Variants in TULP4 observed in about 807,000 individuals in gnomAD.
TULP4 encodes TUB like protein 4.
A neutral mutation model predicts 129.0 loss-of-function variants in TULP4; 16 were observed. The ratio of observed to expected loss-of-function variants is 0.12; its 90% confidence interval spans 0.08 to 0.19. The LOEUF is 0.19. Ranked by LOEUF, TULP4 falls within the 10% of genes least tolerant of loss-of-function variation. TULP4 has a pLI of 1.00. For synonymous variants in TULP4, 998 were observed against 854.0 expected, an observed-to-expected ratio of 1.17 and a Z score of -2.94; for missense variants, 1,842 against 2,059.1, an observed-to-expected ratio of 0.89 and a Z score of 2.04.
At position 158,429,917 on chromosome 6, in the gene TULP4, G is replaced by A. The variant is rs1424831737; in HGVS notation, c.543+20G>A. ...CAACAGGTAACACTTCTGAAATGTGGTGGGTGTGTGACGTTAAAACCATGA... is the reference window on the plus strand; with the variant it reads ...CAACAGGTAACACTTCTGAAATGTGATGGGTGTGTGACGTTAAAACCATGA... On this transcript the variant is annotated intron_variant, in intron 3 of 13. Coordinates refer to ENST00000367097, the MANE Select transcript of TULP4 (RefSeq NM_020245.5). 1.2e-6 allele frequency: 2 copies of A among 1,611,110 alleles called. No homozygotes were observed. Among genetic ancestry groups the A allele is most frequent in the Admixed American group, 1.7e-5 (1 of 59,698 alleles).
intron 2 of TULP4, among the ~76,000 whole-genome samples, chr6:158,421,181 G>A (rs1024518118): frequency 6.6e-6 from 1 of 152,130 alleles, no homozygotes; most frequent in Non-Finnish European, 1.5e-5. Context: ...CTAACACGGT[G>A]AAACCCTGTG....
At chr6:158,308,455 C>T (rs1446438962), upstream of TULP4, among the ~76,000 whole-genome samples, 2 of 152,122 alleles carry the variant, frequency 1.3e-5, no homozygotes, top group African/African-American at 4.8e-5. Context: ...CCCACCTTTC[C>T]CCCCTTTCTA....
intron 1 of TULP4, among the ~76,000 whole-genome samples, chr6:158,332,291 G>A (rs1779929645): frequency 6.6e-6 from 1 of 150,946 alleles, no homozygotes; most frequent in African/African-American, 2.4e-5. Context: ...AGGGCCGAAG[G>A]AGATGATGCA....
intron 1 of TULP4, among the ~76,000 whole-genome samples, chr6:158,240,256 C>G (rs960604478): frequency 1.3e-5 from 1 of 78,034 alleles, no homozygotes; most frequent in African/African-American, 4.4e-5. Context: ...GGCGGCTGGC[C>G]GGGCAGAGGG....
At chr6:158,442,892 C>A (rs748981578) in intron 3 of TULP4, among the ~76,000 whole-genome samples, 1 of 151,790 alleles carries the variant, frequency 6.6e-6, no homozygotes, top group African/African-American at 2.4e-5. Context: ...CTGCTCACTG[C>A]AACCTCCACC....
intron 1 of TULP4, among the ~76,000 whole-genome samples, chr6:158,340,157 A>G (rs1039794524): frequency 5.3e-5 from 8 of 152,214 alleles, no homozygotes; most frequent in Non-Finnish European, 1.2e-4. Context: ...ATTTGGTGGA[A>G]TGTACAGTAA....
chr6:158,396,477 A>C (rs769294482), intron 1 of TULP4, among the ~76,000 whole-genome samples: 9 of 152,222 alleles, frequency 5.9e-5, no homozygotes, highest in Non-Finnish European at 1.3e-4. Context: ...CCTCAGGTGC[A>C]GTACTTTAAG....
intron 1 of TULP4, among the ~76,000 whole-genome samples, chr6:158,352,404 G>T (rs914067790): frequency 1.3e-5 from 2 of 152,258 alleles, no homozygotes; most frequent in East Asian, 1.9e-4. Flanking sequence ...GACTGACACT[G>T]GTTCTTTTTT....
intron 1 of TULP4, chr6:158,237,551 CT>C: frequency 3.2e-6 from 5 of 1,552,996 alleles, no homozygotes; most frequent in Non-Finnish European, 4.4e-6. Context: ...CCCTGGGTCC[CT>C]TTTCCCATCT....
chr6:158,450,382 G>A (rs1444525785), intron 4 of TULP4, among the ~76,000 whole-genome samples: 2 of 123,012 alleles, frequency 1.6e-5, no homozygotes, highest in Non-Finnish European at 3.3e-5. Flanking sequence ...CTCGTGTTGT[G>A]TTGTCTTCTC....
chr6:158,299,145 G>C (rs921685429), intron 1 of TULP4, among the ~76,000 whole-genome samples: 3 of 152,084 alleles, frequency 2.0e-5, no homozygotes, highest in Admixed American at 1.3e-4. Flanking sequence ...GGTCGGGGTG[G>C]GGGGTAATGC....
chr6:158,349,014 TCCC>T (rs1158665017), intron 1 of TULP4, among the ~76,000 whole-genome samples: 7,991 of 66,560 alleles, frequency 0.12, 2 homozygotes, highest in Admixed American at 0.22. Context: ...GCTCCTCACT[TCCC>T]AGACGGGGCA....
chr6:158,375,067 ACT>A (rs1777155400), intron 1 of TULP4, among the ~76,000 whole-genome samples: 1 of 151,882 alleles, frequency 6.6e-6, no homozygotes, highest in South Asian at 2.1e-4. Flanking sequence ...ACATGCAGCA[ACT>A]CTGTCTCTAC....
At chr6:158,384,302 T>TTC (rs1554286138) in intron 1 of TULP4, among the ~76,000 whole-genome samples, 35 of 151,202 alleles carry the variant, frequency 2.3e-4, no homozygotes, top group Non-Finnish European at 5.0e-4. Flanking sequence ...TTTTTTTTTT[T>TTC]CTTGAGACAG....
intron 6 of TULP4, among the ~76,000 whole-genome samples, chr6:158,468,188 T>G (rs1391486016): frequency 6.6e-6 from 1 of 152,232 alleles, no homozygotes; most frequent in Admixed American, 6.5e-5. Flanking sequence ...TAATTGACAT[T>G]GTGGACTTCC....
chr6:158,241,165 C>G (rs28430854), intron 1 of TULP4, among the ~76,000 whole-genome samples: 2 of 126,696 alleles, frequency 1.6e-5, no homozygotes, highest in East Asian at 2.3e-4. Context: ...CGGGCAGAGA[C>G]GCTCCTCACT....
intron 1 of TULP4, among the ~76,000 whole-genome samples, chr6:158,374,053 CTT>C (rs2114888252): frequency 6.6e-6 from 1 of 152,272 alleles, no homozygotes. Context: ...TGTATCTTGA[CTT>C]ATTTTAATAG....
intron 3 of TULP4, among the ~76,000 whole-genome samples, chr6:158,432,395 G>A (rs1195760816): frequency 6.6e-6 from 1 of 152,164 alleles, no homozygotes; most frequent in Non-Finnish European, 1.5e-5. Context: ...TCTGAACGGT[G>A]GACATGAAGG....
At chr6:158,504,943 A>G (rs976420951) in intron 13 of TULP4, among the ~76,000 whole-genome samples, 6 of 151,620 alleles carry the variant, frequency 4.0e-5, no homozygotes, top group Non-Finnish European at 7.4e-5. Context: ...TTCCTTCCCC[A>G]TTAAATCAGT....
Sources: gnomAD v4.1 joint callset for allele counts (sites outside exome capture counted in the v4.1 genomes callset) on GRCh38, gnomAD v4.1.1 for gene constraint, MANE v1.5 for transcripts, NCBI Gene and HGNC (gene_info 2026-07-23, HGNC 2026-07-21) for gene names.